Variants in MAN1A1 observed in about 807,000 individuals in gnomAD.
MAN1A1 encodes the protein mannosidase alpha class 1A member 1.
Under a neutral mutation model 70.8 loss-of-function variants are expected in MAN1A1, and 29 were observed. The observed-to-expected ratio is 0.41, with a 90% confidence interval of 0.31 to 0.56. The LOEUF is 0.56. Among genes scored for constraint, MAN1A1 ranks in the 20% least tolerant of loss-of-function variants. The probability of loss-of-function intolerance (pLI) is 0.29; values close to 1 mark genes in which losing one functional copy is unlikely to be tolerated. For synonymous variants in MAN1A1, 349 were observed against 330.1 expected, an observed-to-expected ratio of 1.06 and a Z score of -0.62; for missense variants, 747 against 841.3, an observed-to-expected ratio of 0.89 and a Z score of 1.39.
intron 6 of MAN1A1, among the ~76,000 whole-genome samples, chr6:119,243,833 C>T (rs988603132): frequency 1.3e-5 from 2 of 152,076 alleles, no homozygotes; most frequent in Admixed American, 6.6e-5. Context: ...TTCATCACCT[C>T]ACTGACTAAT....
intron 6 of MAN1A1, among the ~76,000 whole-genome samples, chr6:119,238,787 G>T (rs1220038165): frequency 6.6e-6 from 1 of 152,162 alleles, no homozygotes; most frequent in Non-Finnish European, 1.5e-5. Flanking sequence ...ACAAAGAGGG[G>T]AAGCAAGATT....
chr6:119,299,147 G>C (rs1268429957), intron 4 of MAN1A1, among the ~76,000 whole-genome samples: 1 of 151,630 alleles, frequency 6.6e-6, no homozygotes, highest in Non-Finnish European at 1.5e-5. Context: ...GGATAGAATG[G>C]GTGAATATAA....
intron 6 of MAN1A1, among the ~76,000 whole-genome samples, chr6:119,207,976 A>G (rs1773927652): frequency 6.6e-6 from 1 of 152,202 alleles, no homozygotes; most frequent in African/African-American, 2.4e-5. Context: ...TATCTGGTCT[A>G]TTTTATAAAA....
intron 9 of MAN1A1, among the ~76,000 whole-genome samples, chr6:119,192,508 A>G (rs1021819046): frequency 2.0e-5 from 3 of 152,184 alleles, no homozygotes; most frequent in African/African-American, 7.2e-5. Flanking sequence ...AGCAAGCTGC[A>G]TTTATATTTA....
At chr6:119,290,640 A>G in intron 5 of MAN1A1, 43 bp downstream of exon 5, 8 of 1,406,310 alleles carry the variant, frequency 5.7e-6, no homozygotes, top group Non-Finnish European at 7.9e-6. Context: ...ATGTAGTTTA[A>G]GACACTTTAT....
intron 3 of MAN1A1, among the ~76,000 whole-genome samples, chr6:119,305,958 TG>T (rs1479038428): frequency 6.6e-6 from 1 of 152,128 alleles, no homozygotes; most frequent in Non-Finnish European, 1.5e-5. Context: ...TGGCTATCTC[TG>T]GGAAAACTAT....
chr6:119,201,214 T>C, intron 8 of MAN1A1, 40 bp downstream of exon 8: 8 of 1,426,984 alleles, frequency 5.6e-6, no homozygotes, highest in Non-Finnish European at 7.9e-6. Context: ...ACGAGTACAG[T>C]ACCAAAAAGA....
Position 119,348,994 on chromosome 6 carries a change from G to A in MAN1A1, c.72C>T (p.Gly24=). 1 of 1,432,042 alleles carries A rather than the reference G, an allele frequency of 7.0e-7. No homozygotes were observed. The highest frequency in any genetic ancestry group is 9.2e-7 in the Non-Finnish European group (1 of 1,089,078). 88.7% of individuals were successfully genotyped at this position (1,432,042 alleles called of 1,614,324 possible). The stretch of plus-strand genomic sequence containing the variant: ...GGCCCGACCCCTTCCTGCCACCGCC[G>A]CCGCCGAGCCCCCCGCCCAGGACGC... ...AGGVLGGGLG[G]GGGRKGSGPA... is the part of the protein sequence containing the mutation. Residue 24 remains glycine (G), a synonymous_variant, in exon 2 of 13, where the codon GGC becomes GGT. Coordinates refer to ENST00000368468, the MANE Select transcript of MAN1A1 (RefSeq NM_005907.4).
At chr6:119,305,994 TA>T (rs1456652849) in intron 3 of MAN1A1, among the ~76,000 whole-genome samples, 1 of 152,198 alleles carries the variant, frequency 6.6e-6, no homozygotes, top group African/African-American at 2.4e-5. Context: ...TTTTCTCACC[TA>T]TAAAATGTAT....
At chr6:119,321,804 G>A (rs1773016491) in intron 2 of MAN1A1, among the ~76,000 whole-genome samples, 1 of 151,650 alleles carries the variant, frequency 6.6e-6, no homozygotes, top group Non-Finnish European at 1.5e-5. Flanking sequence ...TTTTTAGTAG[G>A]GACAGGATTT....
At chr6:119,207,687 T>C (rs1224528382) in intron 6 of MAN1A1, among the ~76,000 whole-genome samples, 7 of 152,240 alleles carry the variant, frequency 4.6e-5, no homozygotes, top group Non-Finnish European at 1.0e-4. Context: ...ATAAATCTAC[T>C]GAGGAATCTA....
At chr6:119,258,684 T>C (rs1775525497) in intron 5 of MAN1A1, among the ~76,000 whole-genome samples, 1 of 152,202 alleles carries the variant, frequency 6.6e-6, no homozygotes, top group Non-Finnish European at 1.5e-5. Flanking sequence ...TGAATTTTTT[T>C]CCTGTTAACT....
chr6:119,234,570 T>A (rs1357919545), intron 6 of MAN1A1, among the ~76,000 whole-genome samples: 1 of 151,980 alleles, frequency 6.6e-6, no homozygotes, highest in Non-Finnish European at 1.5e-5. Context: ...TGTGCCACCA[T>A]GCCCGGCTAA....
intron 5 of MAN1A1, 24 bp downstream of exon 5, chr6:119,290,659 T>C (rs1262493127): frequency 1.3e-6 from 2 of 1,554,008 alleles, no homozygotes; most frequent in Admixed American, 1.8e-5. Context: ...ATAATTCACA[T>C]TTATATACCA....
intron 11 of MAN1A1, among the ~76,000 whole-genome samples, chr6:119,183,225 T>A (rs1773198073): frequency 6.6e-6 from 1 of 152,160 alleles, no homozygotes; most frequent in Non-Finnish European, 1.5e-5. Context: ...GCAGGCCACA[T>A]GAATAAAGAA....
chr6:119,337,263 TA>T (rs772352294), intron 2 of MAN1A1, among the ~76,000 whole-genome samples: 286 of 145,678 alleles, frequency 2.0e-3, no homozygotes, highest in African/African-American at 4.4e-3. Context: ...CTGACTGTTG[TA>T]AAAAAAAAAA....
At chr6:119,276,118 T>C (rs1227426810) in intron 5 of MAN1A1, among the ~76,000 whole-genome samples, 6 of 152,332 alleles carry the variant, frequency 3.9e-5, no homozygotes, top group Middle Eastern at 3.4e-3. Flanking sequence ...TAAGTTCCTC[T>C]CTTTAGAATG....
At chr6:119,290,826 A>G in intron 4 of MAN1A1, 63 bp from the exon 5 acceptor site, 1 of 970,686 alleles carries the variant, frequency 1.0e-6, no homozygotes, top group Non-Finnish European at 1.6e-6. Context: ...TTATTGTGAT[A>G]AATTATACTA....
intron 2 of MAN1A1, among the ~76,000 whole-genome samples, chr6:119,335,376 G>A (rs1279216307): frequency 6.6e-6 from 1 of 152,108 alleles, no homozygotes; most frequent in East Asian, 1.9e-4. Flanking sequence ...TGAAAAAGAG[G>A]AATTATTAAC....
Sources: gnomAD v4.1 joint callset for allele counts (sites outside exome capture counted in the v4.1 genomes callset) on GRCh38, gnomAD v4.1.1 for gene constraint, MANE v1.5 for transcripts, NCBI Gene and HGNC (gene_info 2026-07-23, HGNC 2026-07-21) for gene names.